The following CPEB3 variants were observed in gnomAD, a reference collection of about 807,000 sequenced individuals.
CPEB3 encodes the protein cytoplasmic polyadenylation element binding protein 3.
Under a neutral mutation model 67.2 loss-of-function variants are expected in CPEB3, and 20 were observed. The observed-to-expected ratio is 0.30, with a 90% confidence interval of 0.21 to 0.43. The LOEUF is 0.43. Among genes scored for constraint, CPEB3 ranks in the 20% least tolerant of loss-of-function variants. The pLI is 1.00. For synonymous variants in CPEB3, 376 were observed against 393.1 expected (o/e 0.96, Z 0.51); for missense variants, 746 against 968.6 (o/e 0.77, Z 3.05).
intron 2 of CPEB3, among the ~76,000 whole-genome samples, chr10:92,226,852 T>A (rs1009226068): frequency 5.0e-5 from 1 of 19,858 alleles, no homozygotes; most frequent in Non-Finnish European, 1.0e-4. Flanking sequence ...CCTGTGGGGG[T>A]GGGGGCCTGG....
intron 4 of CPEB3, among the ~76,000 whole-genome samples, chr10:92,168,806 T>C (rs984302310): frequency 6.6e-6 from 1 of 150,478 alleles, no homozygotes; most frequent in Non-Finnish European, 1.5e-5. Context: ...TTTTTTTTTT[T>C]TTTTTTGAGA....
intron 6 of CPEB3, among the ~76,000 whole-genome samples, chr10:92,138,693 TA>T (rs1193838178): frequency 6.6e-6 from 1 of 152,116 alleles, no homozygotes; most frequent in East Asian, 1.9e-4. Context: ...AAAGACAGGC[TA>T]TAAGAAATGC....
chr10:92,109,013 T>C (rs1442822768), intron 7 of CPEB3, among the ~76,000 whole-genome samples: 1 of 152,222 alleles, frequency 6.6e-6, no homozygotes, highest in Non-Finnish European at 1.5e-5. Flanking sequence ...TTCCAAAGTA[T>C]ATAAACTCTG....
At position 92,087,141 on chromosome 10, in the gene CPEB3, G is replaced by A. The variant is rs1449410468; in HGVS notation, c.1687+4689C>T. Reference sequence around the variant, plus strand: ...TTCTAATACATGTGAACTATCAAATGTTTATATAAAATGTCTGAAATAAAT... The same window carrying A: ...TTCTAATACATGTGAACTATCAAATATTTATATAAAATGTCTGAAATAAAT... On this transcript the variant is annotated intron_variant, in intron 8 of 9. Coordinates refer to ENST00000265997, the MANE Select transcript of CPEB3 (RefSeq NM_014912.5). Among the ~76,000 whole-genome samples, 7 of 152,260 alleles carry A rather than the reference G, an allele frequency of 4.6e-5. No homozygotes were observed. The East Asian group carries it at 1.2e-3, about 25-fold the overall frequency.
chr10:92,178,649 TG>T (rs1156625417), intron 4 of CPEB3, among the ~76,000 whole-genome samples: 1 of 152,064 alleles, frequency 6.6e-6, no homozygotes, highest in East Asian at 1.9e-4. Context: ...AAGACCAGCC[TG>T]GGCAACATAG....
At chr10:92,200,119 T>G (rs1459971369) in intron 2 of CPEB3, among the ~76,000 whole-genome samples, 1 of 152,200 alleles carries the variant, frequency 6.6e-6, no homozygotes, top group Middle Eastern at 3.2e-3. Flanking sequence ...AAGTTGAAAC[T>G]TTTCTCCCTT....
chr10:92,198,839 T>C (rs117223690), intron 2 of CPEB3, among the ~76,000 whole-genome samples: 48 of 152,300 alleles, frequency 3.2e-4, no homozygotes, highest in Non-Finnish European at 6.3e-4. Context: ...ATACCAGTAA[T>C]GTTCTAATGC....
Position 92,137,613 on chromosome 10 carries a change from A to G in CPEB3, c.1453+5416T>C, listed in dbSNP as rs1846165849. 4.5e-6 allele frequency: 3 copies of G among 663,096 alleles called. No homozygotes were observed. The Admixed American group carries it at 6.4e-5, about 14-fold the overall frequency. The allele number at this position is 663,096 out of a possible 1,614,324, so 41.1% of individuals were successfully genotyped here. On this transcript the variant is annotated intron_variant, in intron 6 of 9. Transcript: ENST00000265997. The stretch of plus-strand genomic sequence containing the variant: ...TCCACCAATTCTACATCAATGTGGA[A>G]CATGAGGAGTGGAAACTGAGCACAC...
intron 6 of CPEB3, among the ~76,000 whole-genome samples, chr10:92,135,867 T>C (rs1358202082): frequency 6.6e-6 from 1 of 152,130 alleles, no homozygotes; most frequent in African/African-American, 2.4e-5. Context: ...TGTAGGGACA[T>C]GGATGCAGCT....
intron 1 of CPEB3, among the ~76,000 whole-genome samples, chr10:92,265,097 G>A (rs562766213): frequency 6.6e-6 from 1 of 151,290 alleles, no homozygotes; most frequent in African/African-American, 2.4e-5. Context: ...AGGAGGCGGA[G>A]GTTGCAGTGA....
At chr10:92,278,582 C>T (rs1425450593) in intron 1 of CPEB3, among the ~76,000 whole-genome samples, 1 of 150,576 alleles carries the variant, frequency 6.6e-6, no homozygotes, top group Non-Finnish European at 1.5e-5. Flanking sequence ...TACAACTTTG[C>T]TGAACTCATT....
rs1459783024 is a variant in CPEB3 at position 92,064,808 on chromosome 10, T to C, written c.1870-12369A>G. 2.0e-5 allele frequency among the ~76,000 whole-genome samples: 3 copies of C among 152,200 alleles called. No individual in the cohort carries two copies. In the South Asian group the frequency reaches 6.2e-4, roughly 32 times the overall value. Reference sequence around the variant, plus strand: ...AGTAGAAACTCCACCAACTAGAGGCTGTCCCGTGGTCACTGTTTAATGTGA... The same window carrying C: ...AGTAGAAACTCCACCAACTAGAGGCCGTCCCGTGGTCACTGTTTAATGTGA... On this transcript the variant is annotated intron_variant, in intron 9 of 9. Coordinates refer to ENST00000265997, the MANE Select transcript of CPEB3 (RefSeq NM_014912.5).
At chr10:92,252,882 T>G (rs1368294320) in intron 1 of CPEB3, among the ~76,000 whole-genome samples, 2 of 151,930 alleles carry the variant, frequency 1.3e-5, no homozygotes, top group Non-Finnish European at 2.9e-5. Flanking sequence ...GTGAAATGTC[T>G]GATGCAAAAA....
chr10:92,102,500 C>T (rs1243405320), intron 7 of CPEB3, among the ~76,000 whole-genome samples: 1 of 152,188 alleles, frequency 6.6e-6, no homozygotes, highest in Non-Finnish European at 1.5e-5. Flanking sequence ...GCCCCCATCA[C>T]CAGGCTGCAG....
Position 92,097,230 on chromosome 10 carries a change from A to G in CPEB3, c.1573-5286T>C, listed in dbSNP as rs542278287. ...ATTCAGATTTTTAAGTGAAACTTCA[A>G]TATTCTAAAATAGGAACTAATTCAA... On this transcript the variant is annotated intron_variant, in intron 7 of 9. Transcript: ENST00000265997. Among the ~76,000 whole-genome samples the G allele has an allele frequency of 1.2e-3, 190 of 152,336 alleles. 1 individual carries two copies. The highest frequency in any genetic ancestry group is 4.4e-3 in the African/African-American group (181 of 41,576).
chr10:92,137,535 A>C (rs1311537143), intron 6 of CPEB3: 3 of 807,540 alleles, frequency 3.7e-6, no homozygotes, highest in Non-Finnish European at 6.5e-6. Flanking sequence ...AGAAGTTCAT[A>C]AGGGACCCCA....
At chr10:92,182,553 C>A (rs1848504016) in intron 3 of CPEB3, among the ~76,000 whole-genome samples, 1 of 152,134 alleles carries the variant, frequency 6.6e-6, no homozygotes, top group African/African-American at 2.4e-5. Context: ...AGGCCGGGCG[C>A]AGTGGTTCAT....
At chr10:92,183,395 G>A (rs1291925452) in intron 3 of CPEB3, among the ~76,000 whole-genome samples, 1 of 152,092 alleles carries the variant, frequency 6.6e-6, no homozygotes. Flanking sequence ...CCACCACCTT[G>A]ATCAGAACCT....
intron 4 of CPEB3, among the ~76,000 whole-genome samples, chr10:92,180,370 T>C (rs1848409044): frequency 6.6e-6 from 1 of 152,244 alleles, no homozygotes; most frequent in Admixed American, 6.5e-5. Flanking sequence ...GAGTTATGTA[T>C]AAATAAGTTG....
Sources: allele counts gnomAD v4.1 joint callset (sites outside exome capture counted in the v4.1 genomes callset), GRCh38; gene constraint gnomAD v4.1.1; transcripts MANE v1.5; gene names NCBI Gene and HGNC (gene_info 2026-07-23, HGNC 2026-07-21).